Variants in ABCA12 observed in about 807,000 individuals in gnomAD.
The protein encoded by ABCA12 is ATP binding cassette subfamily A member 12, also known as glucosylceramide transporter ABCA12.
In ABCA12, 156 loss-of-function variants were observed where a neutral mutation model predicts 293.5. The ratio of observed to expected loss-of-function variants is 0.53; its 90% confidence interval spans 0.47 to 0.61. The LOEUF (loss-of-function observed/expected upper bound fraction) is 0.61. Among genes scored for constraint, ABCA12 ranks in the 20% least tolerant of loss-of-function variants. The pLI is 0.00. For synonymous variants in ABCA12, 1,063 were observed against 1,108.0 expected, an observed-to-expected ratio of 0.96 and a Z score of 0.81; for missense variants, 2,797 against 3,090.2, an observed-to-expected ratio of 0.91 and a Z score of 2.25.
intron 2 of ABCA12, among the ~76,000 whole-genome samples, chr2:215,107,995 G>A (rs1029460424): frequency 2.0e-5 from 3 of 152,120 alleles, no homozygotes; most frequent in South Asian, 4.1e-4. Flanking sequence ...GGAAGTGAGG[G>A]CAAGGGCATG....
At chr2:215,068,420 G>T (rs149457636) in intron 2 of ABCA12, among the ~76,000 whole-genome samples, 1 of 152,138 alleles carries the variant, frequency 6.6e-6, no homozygotes, top group African/African-American at 2.4e-5. Context: ...GTGCCTCAAT[G>T]AGCCTGGTTG....
chr2:214,957,242 C>T (rs979126781), intron 41 of ABCA12, among the ~76,000 whole-genome samples: 1 of 152,190 alleles, frequency 6.6e-6, no homozygotes, highest in South Asian at 2.1e-4. Flanking sequence ...TCCCACATAT[C>T]CTCATAATCA....
intron 51 of ABCA12, among the ~76,000 whole-genome samples, chr2:214,936,398 G>A (rs1035081067): frequency 6.6e-6 from 1 of 152,108 alleles, no homozygotes; most frequent in African/African-American, 2.4e-5. Context: ...GAAAAATGAG[G>A]CTCAGAGATT....
rs776360822 is a variant in ABCA12 at position 215,019,564 on chromosome 2, C to T, written c.1520G>A (p.Ser507Asn). Residue 507 changes from serine (S) to asparagine (N), a missense_variant, in exon 12 of 53, where the codon AGC (serine) becomes AAC (asparagine). Around this residue, in one of 3 missense-constraint regions of ABCA12, gnomAD observed 656 missense variants for 638.2 expected, o/e 1.03. Coordinates refer to ENST00000272895, the MANE Select transcript of ABCA12 (RefSeq NM_173076.3). ...KVRDLLTGDP[S>N]KINLNMDQFL... ...CTGATCCATATTTAAATTAATTTTG[C>T]TTGGATCTCCAGTCAGCAAATCTCT... is the stretch of plus-strand genomic sequence containing the variant. 3 of 1,614,180 alleles carry T rather than the reference C, an allele frequency of 1.9e-6. No homozygotes were observed. Among genetic ancestry groups the T allele is most frequent in the Non-Finnish European group, 1.7e-6 (2 of 1,180,018 alleles).
intron 2 of ABCA12, among the ~76,000 whole-genome samples, chr2:215,107,241 G>C (rs575306177): frequency 6.6e-6 from 1 of 152,162 alleles, no homozygotes; most frequent in African/African-American, 2.4e-5. Flanking sequence ...GTATTAAAGG[G>C]AGACAAAATA....
intron 2 of ABCA12, among the ~76,000 whole-genome samples, chr2:215,067,745 A>G (rs1701664617): frequency 6.6e-6 from 1 of 152,146 alleles, no homozygotes; most frequent in South Asian, 2.1e-4. Context: ...GGTCATTCTC[A>G]TTGAATGGAT....
intron 19 of ABCA12, among the ~76,000 whole-genome samples, chr2:215,006,588 T>C (rs1255290170): frequency 6.6e-6 from 1 of 152,140 alleles, no homozygotes; most frequent in African/African-American, 2.4e-5. Flanking sequence ...CCATCTCATA[T>C]CATATAATAT....
intron 17 of ABCA12, among the ~76,000 whole-genome samples, 192 bp downstream of exon 17, chr2:215,011,247 T>C (rs1181087241): frequency 6.6e-6 from 1 of 152,200 alleles, no homozygotes; most frequent in Admixed American, 6.5e-5. Context: ...CTCCTTGTAC[T>C]CCACTTCCCC....
intron 6 of ABCA12, among the ~76,000 whole-genome samples, chr2:215,048,331 A>T (rs545057373): frequency 6.6e-6 from 1 of 152,260 alleles, no homozygotes; most frequent in East Asian, 1.9e-4. Flanking sequence ...TACCCAGCAG[A>T]ATATAAATTA....
At chr2:215,065,263 T>A (rs1209141944) in intron 2 of ABCA12, among the ~76,000 whole-genome samples, 1 of 39,938 alleles carries the variant, frequency 2.5e-5, no homozygotes, top group Non-Finnish European at 4.6e-5. Flanking sequence ...AAATTAAGGC[T>A]AAAAAGCAAA....
intron 2 of ABCA12, among the ~76,000 whole-genome samples, chr2:215,065,845 A>C (rs951204575): frequency 6.6e-6 from 1 of 152,124 alleles, no homozygotes; most frequent in Non-Finnish European, 1.5e-5. Flanking sequence ...ATAGAAAAAA[A>C]TAGTTTAAAA....
Position 215,111,596 on chromosome 2 carries a change from C to T in ABCA12, c.163+1G>A. On this transcript the variant is annotated splice_donor_variant, in intron 2 of 52. Transcript: ENST00000272895. LOFTEE classifies it high-confidence loss of function. Reference sequence around the variant, plus strand: ...GAAATAAACAAATGTCATTTACTTACAAGTTGGTTTTGCAGTTGGAGGAAA... The same window carrying T: ...GAAATAAACAAATGTCATTTACTTATAAGTTGGTTTTGCAGTTGGAGGAAA... The T allele has an allele frequency of 3.1e-6, 5 of 1,594,458 alleles. No homozygotes were observed. The highest frequency in any genetic ancestry group is 4.3e-6 in the Non-Finnish European group (5 of 1,162,876).
intron 2 of ABCA12, among the ~76,000 whole-genome samples, chr2:215,084,605 GA>G (rs1702003454): frequency 6.6e-6 from 1 of 152,122 alleles, no homozygotes; most frequent in Non-Finnish European, 1.5e-5. Flanking sequence ...TCAAAAGGGG[GA>G]AACTTAGCCA....
At chr2:215,100,429 C>T (rs185782230) in intron 2 of ABCA12, among the ~76,000 whole-genome samples, 78 of 152,192 alleles carry the variant, frequency 5.1e-4, no homozygotes, top group Admixed American at 9.2e-4. Context: ...TACCCTAATT[C>T]GCAGCCATCT....
chr2:214,947,647 A>G (rs1698625236), intron 47 of ABCA12, 91 bp from the exon 48 acceptor site: 2 of 1,430,730 alleles, frequency 1.4e-6, no homozygotes, highest in Non-Finnish European at 1.9e-6. Flanking sequence ...TCATGAAAAG[A>G]AAATGTTATC....
intron 39 of ABCA12, 34 bp from the exon 40 acceptor site, chr2:214,959,112 A>T: frequency 1.3e-6 from 2 of 1,571,244 alleles, no homozygotes; most frequent in South Asian, 2.2e-5. Flanking sequence ...ATTAGTAGGT[A>T]TTCAGTTAAT....
At position 215,133,837 on chromosome 2, in the gene ABCA12, A is replaced by G. The variant is rs547867558; in HGVS notation, c.69+4303T>C. On this transcript the variant is annotated intron_variant, in intron 1 of 52. Coordinates refer to ENST00000272895, the MANE Select transcript of ABCA12 (RefSeq NM_173076.3). Reference sequence around the variant, plus strand: ...CTGTTCTTTGGTGGGCTAAGTGTTAAGTGGGATCAGAGAATGTTAGAGAAA... The same window carrying G: ...CTGTTCTTTGGTGGGCTAAGTGTTAGGTGGGATCAGAGAATGTTAGAGAAA... 8.9e-4 allele frequency among the ~76,000 whole-genome samples: 136 copies of G among 152,252 alleles called. 2 individuals carry two copies. The highest frequency in any genetic ancestry group is 1.9e-3 in the South Asian group (9 of 4,832).
intron 2 of ABCA12, among the ~76,000 whole-genome samples, chr2:215,105,975 G>C (rs1702456657): frequency 6.6e-6 from 1 of 152,142 alleles, no homozygotes; most frequent in Admixed American, 6.5e-5. Context: ...GATAGCAAAT[G>C]AAATTATTTC....
chr2:215,115,439 CT>C (rs919281999), intron 1 of ABCA12, among the ~76,000 whole-genome samples: 2 of 152,080 alleles, frequency 1.3e-5, no homozygotes, highest in African/African-American at 4.8e-5. Flanking sequence ...TAGGCCATGA[CT>C]TTTTTCTGTT....
Sources: allele counts gnomAD v4.1 joint callset (sites outside exome capture counted in the v4.1 genomes callset), GRCh38; gene constraint gnomAD v4.1.1; regional missense constraint gnomAD v4.1.1; transcripts MANE v1.5; gene names NCBI Gene and HGNC (gene_info 2026-07-23, HGNC 2026-07-21).